PAPPA2: variants seen among roughly 807,000 people sequenced by gnomAD.
The protein encoded by PAPPA2 is pappalysin 2.
Under a neutral mutation model 176.4 loss-of-function variants are expected in PAPPA2, and 86 were observed. The ratio of observed to expected loss-of-function variants is 0.49; its 90% confidence interval spans 0.41 to 0.58. The LOEUF is 0.58. Ranked by LOEUF, PAPPA2 falls within the 20% of genes least tolerant of loss-of-function variation. The pLI, the probability that PAPPA2 is intolerant of heterozygous loss-of-function variation, is 0.00. For synonymous variants in PAPPA2, 809 were observed against 852.2 expected (o/e 0.95, Z 0.88); for missense variants, 2,073 against 2,256.9 (o/e 0.92, Z 1.65).
intron 2 of PAPPA2, among the ~76,000 whole-genome samples, chr1:176,576,334 T>C (rs1652640334): frequency 6.6e-6 from 1 of 152,184 alleles, no homozygotes; most frequent in Non-Finnish European, 1.5e-5. Flanking sequence ...TGAAAATTTG[T>C]ATTTCTTTTT....
At chr1:176,655,473 A>T (rs996205575) in intron 3 of PAPPA2, among the ~76,000 whole-genome samples, 1 of 151,892 alleles carries the variant, frequency 6.6e-6, no homozygotes, top group Non-Finnish European at 1.5e-5. Context: ...AAGGAAATAA[A>T]TAGGCATTTT....
At chr1:176,769,230 T>TGTC (rs1664111990) in intron 15 of PAPPA2, among the ~76,000 whole-genome samples, 1 of 152,182 alleles carries the variant, frequency 6.6e-6, no homozygotes, top group Admixed American at 6.5e-5. Flanking sequence ...CTGCTGACAC[T>TGTC]GTGTCCTGGA....
At chr1:176,729,885 C>A (rs1386990642) in intron 12 of PAPPA2, among the ~76,000 whole-genome samples, 1 of 151,946 alleles carries the variant, frequency 6.6e-6, no homozygotes, top group African/African-American at 2.4e-5. Context: ...ACTTAATTAA[C>A]CCCTTGATTT....
intron 4 of PAPPA2, 95 bp downstream of exon 4, chr1:176,671,210 A>T: frequency 6.6e-7 from 1 of 1,511,298 alleles, no homozygotes; most frequent in Non-Finnish European, 8.9e-7. Flanking sequence ...AAAGACAGAG[A>T]AAAAGTGAAT....
intron 12 of PAPPA2, among the ~76,000 whole-genome samples, chr1:176,719,243 A>T (rs987830934): frequency 4.0e-5 from 6 of 151,548 alleles, no homozygotes; most frequent in African/African-American, 1.5e-4. Flanking sequence ...ATGCTCTCTT[A>T]TTTTTAGTTA....
intron 4 of PAPPA2, among the ~76,000 whole-genome samples, chr1:176,674,012 T>C (rs201667586): frequency 6.6e-6 from 1 of 152,092 alleles, no homozygotes; most frequent in East Asian, 1.9e-4. Flanking sequence ...TTTCTGCTTG[T>C]GATTTTCTTT....
Position 176,690,258 on chromosome 1 carries a change from C to A in PAPPA2, c.2259C>A (p.Ser753=). Residue 753 remains serine (S), a synonymous_variant, in exon 5 of 23, where the codon TCC becomes TCA. Coordinates refer to ENST00000367662, the MANE Select transcript of PAPPA2 (RefSeq NM_020318.3). The part of the protein sequence containing the change: ...HVFKGVSERE[S]CNDPCKETVP... ...TTAAAGGAGTCAGTGAAAGAGAATC[C>A]TGCAATGACCCCTGCAAGGAGACAG... 1 of 1,614,066 alleles carries A rather than the reference C, an allele frequency of 6.2e-7. No individual in the cohort carries two copies.
In PAPPA2 at chr1:176,789,853, A is replaced by G; in HGVS notation, c.4760A>G (p.Gln1587Arg). Residue 1587 changes from glutamine (Q) to arginine (R), a missense_variant, in exon 18 of 23, where the codon CAA becomes CGA. Physicochemically the swap from Gln to Arg is conservative, Grantham distance 43. Coordinates refer to ENST00000367662, the MANE Select transcript of PAPPA2 (RefSeq NM_020318.3). ...TGCCTGGAAGGTGGAATCTGGGAGC[A>G]AGGCAGCTGCATTCCTGTGGTGTGT... is the stretch of plus-strand genomic sequence containing the variant. ...IQCLEGGIWEQGSCIPVVCEP... is the reference protein window; with the variant it reads ...IQCLEGGIWERGSCIPVVCEP... The G allele has an allele frequency of 6.2e-7, 1 of 1,614,110 alleles. No individual in the cohort carries two copies. The highest frequency in any genetic ancestry group is 8.5e-7 in the Non-Finnish European group (1 of 1,180,002).
At chr1:176,780,170 G>T (rs1040106977) in intron 17 of PAPPA2, among the ~76,000 whole-genome samples, 6 of 152,188 alleles carry the variant, frequency 3.9e-5, no homozygotes, top group African/African-American at 1.4e-4. Context: ...TTAATTCCCA[G>T]GTGAGGGTGT....
At chr1:176,672,788 T>C (rs1284522821) in intron 4 of PAPPA2, among the ~76,000 whole-genome samples, 1 of 152,186 alleles carries the variant, frequency 6.6e-6, no homozygotes, top group African/African-American at 2.4e-5. Context: ...CTGGGTTTCA[T>C]TGGCTCTATA....
chr1:176,687,476 G>A (rs574427259), intron 4 of PAPPA2, among the ~76,000 whole-genome samples: 1 of 152,130 alleles, frequency 6.6e-6, no homozygotes. Flanking sequence ...GACTTCTGCT[G>A]GTTGATGAGA....
chr1:176,660,074 A>AT (rs1297246761), intron 3 of PAPPA2, among the ~76,000 whole-genome samples: 2 of 152,118 alleles, frequency 1.3e-5, no homozygotes, highest in Non-Finnish European at 2.9e-5. Flanking sequence ...TGGTTGCCAG[A>AT]TTTTCCTCCT....
At chr1:176,489,410 A>G (rs1358562292) in intron 1 of PAPPA2, among the ~76,000 whole-genome samples, 2 of 152,222 alleles carry the variant, frequency 1.3e-5, no homozygotes, top group Admixed American at 6.5e-5. Flanking sequence ...CCCTTTATGA[A>G]TACTTTATAG....
intron 14 of PAPPA2, among the ~76,000 whole-genome samples, chr1:176,764,962 C>G (rs1222215262): frequency 6.6e-6 from 1 of 152,196 alleles, no homozygotes; most frequent in Non-Finnish European, 1.5e-5. Flanking sequence ...GCAATCCAAG[C>G]AGCAGTTCTC....
chr1:176,468,042 T>C (rs911911863), intron 1 of PAPPA2, among the ~76,000 whole-genome samples: 1 of 152,084 alleles, frequency 6.6e-6, no homozygotes, highest in African/African-American at 2.4e-5. Flanking sequence ...CAAAATGCAA[T>C]AGACAGGGAC....
chr1:176,570,055 T>G (rs2102611768), intron 2 of PAPPA2, among the ~76,000 whole-genome samples: 1 of 152,364 alleles, frequency 6.6e-6, no homozygotes, highest in East Asian at 1.9e-4. Flanking sequence ...AGAAATTATC[T>G]TTTCTATTTA....
chr1:176,840,489 A>G lies in PAPPA2; in HGVS notation c.5301+218A>G, dbSNP rs931574238. On this transcript the variant is annotated intron_variant, in intron 22 of 22. Coordinates refer to ENST00000367662, the MANE Select transcript of PAPPA2 (RefSeq NM_020318.3). ...TCTTTGTCAGTTCAGTGATTCTTTC[A>G]GAAAAGCCATGGTTTTTGCTACAGA... 2.0e-5 allele frequency among the ~76,000 whole-genome samples: 3 copies of G among 152,318 alleles called. No individual in the cohort carries two copies. In the East Asian group the frequency reaches 5.8e-4, roughly 29 times the overall value.
intron 21 of PAPPA2, among the ~76,000 whole-genome samples, chr1:176,839,806 G>A (rs928487266): frequency 6.6e-6 from 1 of 152,108 alleles, no homozygotes; most frequent in Admixed American, 6.6e-5. Context: ...CCTGCCTACT[G>A]CACAGGCTTT....
At chr1:176,731,773 A>G (rs1662170384) in intron 12 of PAPPA2, among the ~76,000 whole-genome samples, 2 of 152,004 alleles carry the variant, frequency 1.3e-5, no homozygotes, top group South Asian at 2.1e-4. Flanking sequence ...ACATTGTGAA[A>G]TGATTGCCAC....
Sources: allele counts gnomAD v4.1 joint callset (sites outside exome capture counted in the v4.1 genomes callset), GRCh38; gene constraint gnomAD v4.1.1; transcripts MANE v1.5; gene names NCBI Gene and HGNC (gene_info 2026-07-23, HGNC 2026-07-21).